SGCZ: variants seen among roughly 807,000 people sequenced by gnomAD.
SGCZ encodes zeta-sarcoglycan.
In SGCZ, 40 loss-of-function variants were observed where a neutral mutation model predicts 41.3. The observed-to-expected ratio is 0.97, with a 90% CI of 0.75 to 1.26. The LOEUF is 1.26. Among genes scored for constraint, SGCZ ranks in the 50% most tolerant of loss-of-function variants. The probability of loss-of-function intolerance (pLI) is 0.00; values close to 1 mark genes in which losing one functional copy is unlikely to be tolerated. For missense variants in SGCZ, 552 were observed against 369.8 expected, an observed-to-expected ratio of 1.49 and a Z score of -4.04; for synonymous variants, 206 against 137.5, an observed-to-expected ratio of 1.50 and a Z score of -3.49.
At chr8:15,037,439 A>G (rs754958303) in intron 1 of SGCZ, among the ~76,000 whole-genome samples, 1 of 152,196 alleles carries the variant, frequency 6.6e-6, no homozygotes, top group African/African-American at 2.4e-5. Context: ...TTTCATGTAT[A>G]AATTACCCAG....
intron 3 of SGCZ, among the ~76,000 whole-genome samples, chr8:14,249,201 C>G (rs1388155979): frequency 2.6e-5 from 4 of 152,174 alleles, no homozygotes; most frequent in Admixed American, 2.6e-4. Context: ...AGAATTCACT[C>G]TCTCTGCCTG....
chr8:15,097,857 CGTGTGTGTGTAT>C, intron 1 of SGCZ, among the ~76,000 whole-genome samples: 1 of 39,444 alleles, frequency 2.5e-5, no homozygotes, highest in Admixed American at 3.5e-4. Flanking sequence ...TATATATATA[CGTGTGTGTGTAT>C]ATATATATAT....
chr8:14,419,471 A>AT (rs1799582390), intron 2 of SGCZ, among the ~76,000 whole-genome samples: 2 of 151,728 alleles, frequency 1.3e-5, no homozygotes, highest in African/African-American at 4.8e-5. Flanking sequence ...CCTCTATGAG[A>AT]TTTTTTGTCT....
chr8:14,810,631 T>C (rs1194202929), intron 1 of SGCZ, among the ~76,000 whole-genome samples: 1 of 152,038 alleles, frequency 6.6e-6, no homozygotes, highest in East Asian at 1.9e-4. Context: ...TCATTGGATA[T>C]TGCACTGGAG....
At chr8:15,171,444 C>T (rs1179346026) in intron 1 of SGCZ, among the ~76,000 whole-genome samples, 2 of 152,122 alleles carry the variant, frequency 1.3e-5, no homozygotes, top group African/African-American at 4.8e-5. Context: ...TAATATGTTG[C>T]TCCCTGTGCA....
intron 4 of SGCZ, among the ~76,000 whole-genome samples, chr8:14,206,275 A>G (rs1208592299): frequency 6.6e-6 from 1 of 152,154 alleles, no homozygotes; most frequent in Non-Finnish European, 1.5e-5. Context: ...AAACTCAGAA[A>G]TTACAAGCCT....
intron 2 of SGCZ, among the ~76,000 whole-genome samples, chr8:14,523,163 T>C (rs1173250007): frequency 1.3e-5 from 2 of 151,990 alleles, no homozygotes; most frequent in African/African-American, 4.8e-5. Context: ...CTTTAGAGAG[T>C]GTTGTAATTC....
At chr8:14,849,215 C>G (rs1476203923) in intron 1 of SGCZ, among the ~76,000 whole-genome samples, 1 of 152,022 alleles carries the variant, frequency 6.6e-6, no homozygotes, top group Non-Finnish European at 1.5e-5. Flanking sequence ...ACTTCTTACA[C>G]TCTACTGGTG....
chr8:15,216,042 T>C (rs919581536), intron 1 of SGCZ, among the ~76,000 whole-genome samples: 4 of 152,072 alleles, frequency 2.6e-5, no homozygotes, highest in Non-Finnish European at 4.4e-5. Context: ...ATTGAGCTAA[T>C]TCAGAAGAGC....
intron 1 of SGCZ, among the ~76,000 whole-genome samples, chr8:14,988,269 A>T (rs1801894282): frequency 6.6e-6 from 1 of 151,810 alleles, no homozygotes; most frequent in South Asian, 2.1e-4. Flanking sequence ...CTTCTAAAAA[A>T]ACTCTGAAAA....
chr8:14,480,523 G>C (rs1182503918), intron 2 of SGCZ, among the ~76,000 whole-genome samples: 4 of 151,988 alleles, frequency 2.6e-5, no homozygotes, highest in Non-Finnish European at 5.9e-5. Context: ...ACTTCGTTAT[G>C]CTTATAACTA....
intron 1 of SGCZ, among the ~76,000 whole-genome samples, chr8:14,833,772 T>A (rs1369269596): frequency 6.6e-6 from 1 of 151,274 alleles, no homozygotes; most frequent in African/African-American, 2.4e-5. Flanking sequence ...GAAAGAGGAG[T>A]CTTTCAATCT....
chr8:14,577,857 T>A (rs1804762538), intron 1 of SGCZ, among the ~76,000 whole-genome samples: 1 of 152,242 alleles, frequency 6.6e-6, no homozygotes, highest in Non-Finnish European at 1.5e-5. Context: ...TATACTTATT[T>A]ATTTTCAAGG....
At chr8:14,970,913 T>A (rs1425893336) in intron 1 of SGCZ, among the ~76,000 whole-genome samples, 2 of 152,214 alleles carry the variant, frequency 1.3e-5, no homozygotes, top group Non-Finnish European at 1.5e-5. Flanking sequence ...CAATGTTGTA[T>A]CTTTCCAGCC....
chr8:14,879,172 T>A (rs1348309479), intron 1 of SGCZ: 1 of 151,890 alleles, frequency 6.6e-6, no homozygotes, highest in Admixed American at 6.6e-5. Flanking sequence ...AAAAAAAATT[T>A]AAAAAGTTAG....
chr8:14,589,104 C>A lies in SGCZ; in HGVS notation c.40-34178G>T, dbSNP rs150412393. Among the ~76,000 whole-genome samples the A allele has an allele frequency of 1.4e-3, 215 of 152,116 alleles. 1 individual carries two copies. The highest frequency in any genetic ancestry group is 5.0e-3 in the African/African-American group (206 of 41,498). ...GCTTGGGTGATGTTTATTAAAAATGCAGCACACCAACATGGCACATGTATA... is the reference window on the plus strand; with the variant it reads ...GCTTGGGTGATGTTTATTAAAAATGAAGCACACCAACATGGCACATGTATA... On this transcript the variant is annotated intron_variant, in intron 1 of 7. Coordinates refer to ENST00000382080, the MANE Select transcript of SGCZ (RefSeq NM_139167.4).
intron 1 of SGCZ, among the ~76,000 whole-genome samples, chr8:15,041,343 AATT>A (rs1462258248): frequency 3.9e-5 from 6 of 152,002 alleles, no homozygotes; most frequent in African/African-American, 1.4e-4. Flanking sequence ...AATTGTTAAT[AATT>A]ATTAAAATTG....
At chr8:14,280,608 T>C (rs1182473979) in intron 3 of SGCZ, among the ~76,000 whole-genome samples, 1 of 151,950 alleles carries the variant, frequency 6.6e-6, no homozygotes, top group East Asian at 1.9e-4. Context: ...TTAATGGCAC[T>C]TAGATTTTTT....
At chr8:14,282,131 T>TAAA (rs11394787) in intron 3 of SGCZ, among the ~76,000 whole-genome samples, 1 of 151,244 alleles carries the variant, frequency 6.6e-6, no homozygotes, top group African/African-American at 2.4e-5. Flanking sequence ...ATCTACTATG[T>TAAA]AAAAAAAAAT....
Sources: allele counts gnomAD v4.1 joint callset (sites outside exome capture counted in the v4.1 genomes callset), GRCh38; gene constraint gnomAD v4.1.1; transcripts MANE v1.5; gene names NCBI Gene and HGNC (gene_info 2026-07-23, HGNC 2026-07-21).